AKR1C8: variants seen among roughly 807,000 people sequenced by gnomAD.
The protein encoded by AKR1C8 is aldo-keto reductase family 1 member C8, also known as aldo-keto reductase family 1 member C-like protein 1.
At chr10:5,143,848 C>T in the AKR1C8 span, among the ~76,000 whole-genome samples, 2 of 151,290 alleles carry the variant, frequency 1.3e-5, no homozygotes, top group African/African-American at 4.9e-5. Context: ...ACTGAGTTTT[C>T]TGAATTCATT....
At chr10:5,154,303 C>T in the AKR1C8 span, 5 of 405,754 alleles carry the variant, frequency 1.2e-5, no homozygotes, top group East Asian at 1.4e-4. Flanking sequence ...ACTTGTACCT[C>T]GGCACACATG....
chr10:5,143,633 GAC>G, the AKR1C8 span, among the ~76,000 whole-genome samples: 2 of 150,380 alleles, frequency 1.3e-5, no homozygotes, highest in African/African-American at 4.9e-5. Context: ...TATATGAGAT[GAC>G]ACACATATAC....
the AKR1C8 span, among the ~76,000 whole-genome samples, chr10:5,174,168 A>C: frequency 6.6e-6 from 1 of 151,626 alleles, no homozygotes; most frequent in Non-Finnish European, 1.5e-5. Flanking sequence ...TAAAAAAAAA[A>C]CTCCATCCTG....
chr10:5,165,677 C>A, the AKR1C8 span, among the ~76,000 whole-genome samples: 4 of 152,216 alleles, frequency 2.6e-5, no homozygotes, highest in Non-Finnish European at 4.4e-5. Flanking sequence ...AAAAAGAGTA[C>A]TTTATGTTTA....
the AKR1C8 span, among the ~76,000 whole-genome samples, chr10:5,118,755 A>C: frequency 6.6e-6 from 1 of 152,144 alleles, no homozygotes; most frequent in African/African-American, 2.4e-5. Context: ...GCCAATCATC[A>C]ATTGATTTTT....
chr10:5,148,877 A>G, the AKR1C8 span, among the ~76,000 whole-genome samples: 1 of 152,004 alleles, frequency 6.6e-6, no homozygotes, highest in Non-Finnish European at 1.5e-5. Context: ...TCATACCAGG[A>G]AGTCTAATTT....
chr10:5,157,435 G>A, the AKR1C8 span, among the ~76,000 whole-genome samples: 2,685 of 152,310 alleles, frequency 0.018, 76 homozygotes, highest in African/African-American at 0.061. Context: ...CTAGTAAGTG[G>A]CAAAGCCAAG....
chr10:5,123,918 G>C, the AKR1C8 span: 1 of 1,251,726 alleles, frequency 8.0e-7, no homozygotes, highest in Non-Finnish European at 1.1e-6. Flanking sequence ...GAATAAATAT[G>C]TGTAGCATCA....
the AKR1C8 span, among the ~76,000 whole-genome samples, chr10:5,148,704 T>C: frequency 6.6e-6 from 1 of 152,090 alleles, no homozygotes; most frequent in African/African-American, 2.4e-5. Context: ...TTATATAGGA[T>C]ATAGTAAGCA....
At chr10:5,145,188 T>C in the AKR1C8 span, among the ~76,000 whole-genome samples, 1 of 152,134 alleles carries the variant, frequency 6.6e-6, no homozygotes, top group Admixed American at 6.6e-5. Flanking sequence ...GATTTGCATA[T>C]ATCAATTCAA....
the AKR1C8 span, among the ~76,000 whole-genome samples, chr10:5,137,680 C>G: frequency 6.6e-6 from 1 of 152,080 alleles, no homozygotes; most frequent in South Asian, 2.1e-4. Context: ...ATTGGGGCAA[C>G]TTGCCCCCAA....
chr10:5,124,327 TAAAA>T, the AKR1C8 span, among the ~76,000 whole-genome samples: 9 of 152,184 alleles, frequency 5.9e-5, no homozygotes, highest in Admixed American at 5.9e-4. Context: ...CATGAGAGAT[TAAAA>T]GAGAGAGCAA....
At chr10:5,164,835 A>G in the AKR1C8 span, among the ~76,000 whole-genome samples, 2 of 152,180 alleles carry the variant, frequency 1.3e-5, no homozygotes, top group Non-Finnish European at 2.9e-5. Flanking sequence ...CACTAACTCC[A>G]GTTCCCAACA....
chr10:5,153,229 T>TTTTG, the AKR1C8 span, among the ~76,000 whole-genome samples: 2 of 124,202 alleles, frequency 1.6e-5, no homozygotes, highest in African/African-American at 3.1e-5. Context: ...CTCAATAAAG[T>TTTTG]TTTGCTTAAT....
chr10:5,178,991 AT>A, the AKR1C8 span, among the ~76,000 whole-genome samples: 1 of 152,132 alleles, frequency 6.6e-6, no homozygotes, highest in Non-Finnish European at 1.5e-5. Context: ...TAAAGTTAAT[AT>A]TATTATGTTT....
the AKR1C8 span, among the ~76,000 whole-genome samples, chr10:5,167,186 G>A: frequency 2.0e-5 from 3 of 152,232 alleles, no homozygotes; most frequent in African/African-American, 4.8e-5. Context: ...ACTGTTGGTG[G>A]GTCTGTAAAC....
At chr10:5,165,351 G>A in the AKR1C8 span, among the ~76,000 whole-genome samples, 1 of 152,176 alleles carries the variant, frequency 6.6e-6, no homozygotes, top group Non-Finnish European at 1.5e-5. Flanking sequence ...TGGAGTCAGA[G>A]TTTTTGCCTA....
chr10:5,144,499 C>T, the AKR1C8 span, among the ~76,000 whole-genome samples: 1 of 151,372 alleles, frequency 6.6e-6, no homozygotes, highest in African/African-American at 2.4e-5. Flanking sequence ...ATTCTTCCTA[C>T]CCATGAGCAT....
At chr10:5,131,708 T>C in the AKR1C8 span, among the ~76,000 whole-genome samples, 5 of 151,300 alleles carry the variant, frequency 3.3e-5, no homozygotes, top group African/African-American at 9.7e-5. Flanking sequence ...TTGGCATGAA[T>C]GTAGTGAAAA....
Sources: gnomAD v4.1 joint callset for allele counts (sites outside exome capture counted in the v4.1 genomes callset) on GRCh38, gnomAD v4.1.1 for gene constraint, MANE v1.5 for transcripts, NCBI Gene and HGNC (gene_info 2026-07-23, HGNC 2026-07-21) for gene names.